The following SCAF1 variants were observed in gnomAD, a reference collection of about 807,000 sequenced individuals.
The protein encoded by SCAF1 is splicing factor, arginine/serine-rich 19.
Under a neutral mutation model 91.2 loss-of-function variants are expected in SCAF1, and 28 were observed. The observed-to-expected ratio is 0.31, with a 90% confidence interval of 0.23 to 0.42. The LOEUF (loss-of-function observed/expected upper bound fraction) is 0.42. Ranked by LOEUF, SCAF1 falls within the 10% of genes least tolerant of loss-of-function variation. The pLI is 1.00. For missense variants in SCAF1, 1,893 were observed against 1,872.1 expected (o/e 1.01, Z -0.21); for synonymous variants, 1,036 against 833.7 (o/e 1.24, Z -4.18).
rs984708921 is a variant in SCAF1 at position 49,653,012 on chromosome 19, C to T, written c.2623C>T (p.Pro875Ser). 1.2e-6 allele frequency: 2 copies of T among 1,614,034 alleles called. No individual in the cohort carries two copies. The highest frequency in any genetic ancestry group is 1.7e-6 in the Non-Finnish European group (2 of 1,180,042). ...CAGCCGTGACCGCGAGAGTCGCTCC[C>T]CCTTCCTCAAACCTGACGAGCGGGC... ...KFSRDRESRS[P>S]FLKPDERAPT... The change falls in exon 7 of 11, where the codon CCC becomes TCC. Residue 875 changes from proline (P) to serine (S), a missense_variant. Coordinates refer to ENST00000360565, the MANE Select transcript of SCAF1 (RefSeq NM_021228.3).
intron 6 of SCAF1, among the ~76,000 whole-genome samples, chr19:49,648,361 C>T (rs1457031618): frequency 2.0e-5 from 3 of 152,120 alleles, no homozygotes; most frequent in Non-Finnish European, 4.4e-5. Flanking sequence ...ATCCGCCTGC[C>T]TCAACCTCCC....
At position 49,657,979 on chromosome 19, in the gene SCAF1, G is replaced by A. The variant is rs777319352; in HGVS notation, c.3747+90G>A. 427 of 1,496,808 alleles carry A rather than the reference G, an allele frequency of 2.9e-4. 1 individual carries two copies. Among genetic ancestry groups the A allele is most frequent in the Non-Finnish European group, 3.5e-4 (392 of 1,104,522 alleles). 92.7% of individuals were successfully genotyped at this position (1,496,808 alleles called of 1,614,324 possible). On this transcript the variant is annotated intron_variant, in intron 10 of 10. Transcript: ENST00000360565. ...TGCAGACAGATGGACGCGGATGGGAGACGGGGAGGAGGTCAGTCTGGGAGG... is the reference window on the plus strand; with the variant it reads ...TGCAGACAGATGGACGCGGATGGGAAACGGGGAGGAGGTCAGTCTGGGAGG...
At chr19:49,648,177 GTC>G (rs1042813357) in intron 6 of SCAF1, among the ~76,000 whole-genome samples, 5 of 151,284 alleles carry the variant, frequency 3.3e-5, no homozygotes, top group Non-Finnish European at 5.9e-5. Flanking sequence ...GTGGGGTCTA[GTC>G]TCTCTGCAAC....
In SCAF1 at chr19:49,646,188, A is replaced by G; in HGVS notation, c.247A>G (p.Thr83Ala). The change falls in exon 4 of 11, where the codon ACT becomes GCT. Residue 83 changes from threonine to alanine, a missense_variant. Coordinates refer to ENST00000360565, the MANE Select transcript of SCAF1 (RefSeq NM_021228.3). This position sits in a 1 kb window ranked among gnomAD's most constrained non-coding sequence, Gnocchi z 5.6. ...SEPRSQESGG[T>A]DTATVLDMAT... is the part of the protein sequence containing the mutation. ...GCCCCGTTCCCAGGAATCAGGGGGC[A>G]CTGACACGGCTACTGTGAGTAAGAA... is the stretch of plus-strand genomic sequence containing the variant. The G allele has an allele frequency of 6.2e-7, 1 of 1,607,732 alleles. No homozygotes were observed. Among genetic ancestry groups the G allele is most frequent in the Non-Finnish European group, 8.5e-7 (1 of 1,179,178 alleles).
chr19:49,655,886 G>T (rs118117859), intron 9 of SCAF1, among the ~76,000 whole-genome samples: 2,858 of 152,222 alleles, frequency 0.019, 42 homozygotes, highest in Non-Finnish European at 0.032. Context: ...GCCCAGGCTG[G>T]TCTCAAATTC....
Position 49,645,341 on chromosome 19 carries a change from C to T in SCAF1, c.109-13C>T, listed in dbSNP as rs947827374. On this transcript the variant is annotated splice_polypyrimidine_tract_variant and intron_variant, in intron 2 of 10. Coordinates refer to ENST00000360565, the MANE Select transcript of SCAF1 (RefSeq NM_021228.3). The surrounding 1 kb of genome is among the most constrained non-coding windows in gnomAD (Gnocchi z 4.6). ...TGGGTCCTCTGACGCTTGGTTCTTC[C>T]CCCCTTCCCCAGCGAGCCATCCAGC... 4 of 1,613,750 alleles carry T rather than the reference C, an allele frequency of 2.5e-6. No individual in the cohort carries two copies. Among genetic ancestry groups the T allele is most frequent in the Non-Finnish European group, 3.4e-6 (4 of 1,179,798 alleles).
rs771899666 is a variant in SCAF1 at position 49,646,484 on chromosome 19, A to G, written c.262-42A>G. On this transcript the variant is annotated intron_variant, in intron 4 of 10. Coordinates refer to ENST00000360565, the MANE Select transcript of SCAF1 (RefSeq NM_021228.3). This position sits in a 1 kb window ranked among gnomAD's most constrained non-coding sequence, Gnocchi z 5.6. ...GGGGAAGCAGGATTTGCCAGTCTTC[A>G]TGTGACCAGGGACGGCGTAGAGCCT... The G allele has an allele frequency of 6.4e-7, 1 of 1,563,096 alleles. No individual in the cohort carries two copies. The highest frequency in any genetic ancestry group is 8.8e-7 in the Non-Finnish European group (1 of 1,134,432).
Position 49,653,523 on chromosome 19 carries a change from C to A in SCAF1, c.3134C>A (p.Thr1045Asn). The A allele has an allele frequency of 1.9e-6, 3 of 1,575,836 alleles. No individual in the cohort carries two copies. Among genetic ancestry groups the A allele is most frequent in the South Asian group, 2.3e-5 (2 of 86,534 alleles). ...EEEEEQQPAT[T>N]TATSTAAAAP... ...GAGGAGGAGCAGCAGCCTGCTACCA[C>A]CACGGCCACCAGCACTGCTGCAGCC... Residue 1045 changes from threonine to asparagine, a missense_variant, in exon 7 of 11, where the codon ACC (threonine) becomes AAC (asparagine). Thr to Asn is a moderately conservative substitution (Grantham distance 65). Transcript: ENST00000360565.
Position 49,650,880 on chromosome 19 carries a change from C to T in SCAF1, c.491C>T (p.Ser164Leu), listed in dbSNP as rs747053810. ...TGTTCCTTTGCAGTTTCTCCACAGT[C>T]GAACTCCTCTAGGCCCACCTGTGCC... Reference protein sequence around the residue: ...WRTGKTVSPQSNSSRPTCARH... With the variant: ...WRTGKTVSPQLNSSRPTCARH... Residue 164 changes from serine to leucine, a missense_variant, in exon 7 of 11, where the codon TCG becomes TTG. Ser to Leu is a moderately radical substitution (Grantham distance 145). This residue lies in a region of SCAF1 where 270 missense variants were observed against 292.5 expected (regional missense o/e 0.92). Transcript: ENST00000360565. The T allele has an allele frequency of 1.4e-5, 23 of 1,609,650 alleles. No individual in the cohort carries two copies. Among genetic ancestry groups the T allele is most frequent in the South Asian group, 7.7e-5 (7 of 90,480 alleles).
At position 49,645,343 on chromosome 19, in the gene SCAF1, C is replaced by G. The variant is rs1456083202; in HGVS notation, c.109-11C>G. Reference sequence around the variant, plus strand: ...GGTCCTCTGACGCTTGGTTCTTCCCCCCTTCCCCAGCGAGCCATCCAGCAG... The same window carrying G: ...GGTCCTCTGACGCTTGGTTCTTCCCGCCTTCCCCAGCGAGCCATCCAGCAG... On this transcript the variant is annotated splice_polypyrimidine_tract_variant and intron_variant, in intron 2 of 10. Transcript: ENST00000360565. This position sits in a 1 kb window ranked among gnomAD's most constrained non-coding sequence, Gnocchi z 4.6. The G allele has an allele frequency of 1.2e-6, 2 of 1,613,730 alleles. No homozygotes were observed. The highest frequency in any genetic ancestry group is 1.7e-6 in the Non-Finnish European group (2 of 1,179,874).
At position 49,651,429 on chromosome 19, in the gene SCAF1, C is replaced by G; in HGVS notation, c.1040C>G (p.Ala347Gly). 1 of 1,602,072 alleles carries G rather than the reference C, an allele frequency of 6.2e-7. No individual in the cohort carries two copies. Among genetic ancestry groups the G allele is most frequent in the Non-Finnish European group, 8.5e-7 (1 of 1,175,134 alleles). ...GTGGACTCCACCCGGGCTGATGGAG[C>G]CATGCGCCGGCGGGTCTTCGTGGTG... ...PQVDSTRADG[A>G]MRRRVFVVGT... The change falls in exon 7 of 11, where the codon GCC becomes GGC. Residue 347 changes from alanine (A) to glycine (G), a missense_variant. Ala to Gly is a moderately conservative substitution (Grantham distance 60). Coordinates refer to ENST00000360565, the MANE Select transcript of SCAF1 (RefSeq NM_021228.3).
At position 49,652,270 on chromosome 19, in the gene SCAF1, C is replaced by G. The variant is rs1363600730; in HGVS notation, c.1881C>G (p.Arg627=). Residue 627 remains arginine (R), a synonymous_variant, in exon 7 of 11, where the codon CGC becomes CGG. Transcript: ENST00000360565. ...PATSSSSSSR[R]ERHRGKHRDG... is the part of the protein sequence containing the mutation. ...CTTCCTCATCGTCGTCCTCGAGGCG[C>G]GAGCGGCACCGCGGGAAACACCGGG... 3.0e-5 allele frequency: 44 copies of G among 1,473,440 alleles called. No homozygotes were observed. Among genetic ancestry groups the G allele is most frequent in the African/African-American group, 4.4e-5 (3 of 68,412 alleles). 91.3% of individuals were successfully genotyped at this position (1,473,440 alleles called of 1,614,324 possible).
chr19:49,656,828 C>T (rs1235794578), intron 9 of SCAF1, among the ~76,000 whole-genome samples: 1 of 152,196 alleles, frequency 6.6e-6, no homozygotes, highest in East Asian at 1.9e-4. Flanking sequence ...CGCTGTAGTA[C>T]TGCCCATAGG....
rs1269289500 is a variant in SCAF1 at position 49,652,938 on chromosome 19, C to T, written c.2549C>T (p.Pro850Leu). ...CGCGAGGGTGTCAGCAGCACCACCCCGGCCAAGGATGCCGCGTCAGCCGGC... is the reference window on the plus strand; with the variant it reads ...CGCGAGGGTGTCAGCAGCACCACCCTGGCCAAGGATGCCGCGTCAGCCGGC... The part of the protein sequence containing the change: ...LIREGVSSTT[P>L]AKDAASAGLG... Residue 850 changes from proline (P) to leucine (L), a missense_variant, in exon 7 of 11, where the codon CCG (proline) becomes CTG (leucine). Physicochemically the swap from Pro to Leu is moderately conservative, Grantham distance 98. Coordinates refer to ENST00000360565, the MANE Select transcript of SCAF1 (RefSeq NM_021228.3). 1 of 1,613,852 alleles carries T rather than the reference C, an allele frequency of 6.2e-7. No individual in the cohort carries two copies. Among genetic ancestry groups the T allele is most frequent in the South Asian group, 1.1e-5 (1 of 91,076 alleles).
Position 49,651,134 on chromosome 19 carries a change from G to C in SCAF1, c.745G>C (p.Asp249His). 6.2e-7 allele frequency: 1 copy of C among 1,611,634 alleles called. No homozygotes were observed. The highest frequency in any genetic ancestry group is 8.5e-7 in the Non-Finnish European group (1 of 1,179,416). The stretch of plus-strand genomic sequence containing the variant: ...ACCGCCTGCTCCGGAGCAAAAGTAC[G>C]ACCCTTTTGAGCCCACCGGCTCCAA... Reference protein sequence around the residue: ...SPPPAPEQKYDPFEPTGSNPS... With the variant: ...SPPPAPEQKYHPFEPTGSNPS... The change falls in exon 7 of 11, where the codon GAC becomes CAC. Residue 249 changes from aspartate (D) to histidine (H), a missense_variant. By Grantham distance (81) the Asp-to-His change is moderately conservative. This residue lies in a region of SCAF1 where 80 missense variants were observed against 116.6 expected (regional missense o/e 0.69). Transcript: ENST00000360565.
chr19:49,646,022 A>T lies in SCAF1; in HGVS notation c.167-86A>T, dbSNP rs1428257776. On this transcript the variant is annotated intron_variant, in intron 3 of 10. Coordinates refer to ENST00000360565, the MANE Select transcript of SCAF1 (RefSeq NM_021228.3). This position sits in a 1 kb window ranked among gnomAD's most constrained non-coding sequence, Gnocchi z 5.6. ...CGGGAGGCTGGTTCCGCTGTCAGGAACTAGATCAAGCTCCTCTTTCCTCTA... is the reference window on the plus strand; with the variant it reads ...CGGGAGGCTGGTTCCGCTGTCAGGATCTAGATCAAGCTCCTCTTTCCTCTA... 3.2e-6 allele frequency: 4 copies of T among 1,255,526 alleles called. No homozygotes were observed. The highest frequency in any genetic ancestry group is 4.6e-6 in the Non-Finnish European group (4 of 865,900). 77.8% of individuals were successfully genotyped at this position (1,255,526 alleles called of 1,614,324 possible).
In SCAF1 at chr19:49,652,560, C is replaced by T. The variant is rs746473987; in HGVS notation, c.2171C>T (p.Ser724Phe). The change falls in exon 7 of 11, where the codon TCC becomes TTC. Residue 724 changes from serine to phenylalanine, a missense_variant. Ser to Phe is a radical substitution (Grantham distance 155). This residue lies in a region of SCAF1 where 1,436 missense variants were observed against 1,306.8 expected (regional missense o/e 1.10). Coordinates refer to ENST00000360565, the MANE Select transcript of SCAF1 (RefSeq NM_021228.3). Reference protein sequence around the residue: ...DPRGPSPAPASSPKREVLYDS... With the variant: ...DPRGPSPAPAFSPKREVLYDS... ...CGAGGACCCTCTCCTGCTCCGGCCTCCTCACCTAAGCGGGAGGTCCTGTAC... is the reference window on the plus strand; with the variant it reads ...CGAGGACCCTCTCCTGCTCCGGCCTTCTCACCTAAGCGGGAGGTCCTGTAC... The T allele has an allele frequency of 1.6e-5, 25 of 1,564,816 alleles. No individual in the cohort carries two copies. The Admixed American group carries it at 1.9e-4, about 12-fold the overall frequency.
At position 49,654,395 on chromosome 19, in the gene SCAF1, A is replaced by C; in HGVS notation, c.3363A>C (p.Arg1121=). 6.2e-7 allele frequency: 1 copy of C among 1,613,496 alleles called. No homozygotes were observed. The highest frequency in any genetic ancestry group is 8.5e-7 in the Non-Finnish European group (1 of 1,179,958). ...FKMEEANLAS[R]AKAQELIQAT... ...TGGAAGAAGCCAACCTGGCGAGCCGAGCGAAGGCCCAGGAGCTGATCCAGG... is the reference window on the plus strand; with the variant it reads ...TGGAAGAAGCCAACCTGGCGAGCCGCGCGAAGGCCCAGGAGCTGATCCAGG... The change falls in exon 8 of 11, where the codon CGA becomes CGC. Residue 1121 remains arginine, a synonymous_variant. Coordinates refer to ENST00000360565, the MANE Select transcript of SCAF1 (RefSeq NM_021228.3).
In SCAF1 at chr19:49,646,395, A is replaced by C; in HGVS notation, c.262-131A>C. ...TGAGTGTTGATGGCAGTCAGGCTAT[A>C]GGAATTAGATCCTCAGTTTTCTTGG... On this transcript the variant is annotated intron_variant, in intron 4 of 10. Transcript: ENST00000360565. This position sits in a 1 kb window ranked among gnomAD's most constrained non-coding sequence, Gnocchi z 5.6. The C allele has an allele frequency of 1.1e-6, 1 of 901,084 alleles. No homozygotes were observed. The highest frequency in any genetic ancestry group is 1.8e-6 in the Non-Finnish European group (1 of 570,806). The allele number at this position is 901,084 out of a possible 1,614,324, so 55.8% of individuals were successfully genotyped here.
Sources: allele counts gnomAD v4.1 joint callset (sites outside exome capture counted in the v4.1 genomes callset), GRCh38; gene constraint gnomAD v4.1.1; regional missense constraint gnomAD v4.1.1; non-coding constraint Gnocchi (gnomAD v3.1); transcripts MANE v1.5; gene names NCBI Gene and HGNC (gene_info 2026-07-23, HGNC 2026-07-21).